The following TMCO4 variants were observed in gnomAD, a reference collection of about 807,000 sequenced individuals.
TMCO4 encodes the protein transmembrane and coiled-coil domains 4.
Under a neutral mutation model 64.7 loss-of-function variants are expected in TMCO4, and 58 were observed. The observed-to-expected ratio is 0.90, with a 90% confidence interval of 0.73 to 1.12. TMCO4 has a LOEUF of 1.12. Among genes scored for constraint, TMCO4 ranks in the 50% most tolerant of loss-of-function variants. The probability of loss-of-function intolerance (pLI) is 0.00; values close to 1 mark genes in which losing one functional copy is unlikely to be tolerated. For synonymous variants in TMCO4, 325 were observed against 346.1 expected (o/e 0.94, Z 0.68); for missense variants, 780 against 825.9 (o/e 0.94, Z 0.68).
intron 13 of TMCO4, among the ~76,000 whole-genome samples, chr1:19,713,627 A>G (rs2095341999): frequency 1.3e-5 from 2 of 152,124 alleles, no homozygotes; most frequent in Admixed American, 1.3e-4. Context: ...TGAGCCCAGG[A>G]GTTCAAGGCT....
At chr1:19,747,344 G>A (rs2041840978) in intron 7 of TMCO4, 84 bp from the exon 8 acceptor site, 4 of 1,148,624 alleles carry the variant, frequency 3.5e-6, no homozygotes, top group African/African-American at 1.5e-5. Context: ...CTCAAACAGG[G>A]GCCAATGCTG....
intron 2 of TMCO4, among the ~76,000 whole-genome samples, chr1:19,789,622 A>G (rs2043926418): frequency 6.6e-6 from 1 of 152,044 alleles, no homozygotes; most frequent in East Asian, 1.9e-4. Flanking sequence ...CCTTTTAATT[A>G]GAACTAATTC....
Position 19,746,477 on chromosome 1 carries a change from C to T in TMCO4, c.736G>A (p.Ala246Thr). Residue 246 changes from alanine to threonine, a missense_variant, in exon 9 of 16, where the codon GCA becomes ACA. By Grantham distance (58) the Ala-to-Thr change is moderately conservative. Transcript: ENST00000294543. ...TTACCTGTCAGGCCAGCTCCAGCTG[C>T]ACCAAACAGCGAGGTCATGATGGCT... ...GIAIMTSLFG[A>T]AGAGLTGYKM... The T allele has an allele frequency of 6.2e-7, 1 of 1,613,398 alleles. No individual in the cohort carries two copies. Among genetic ancestry groups the T allele is most frequent in the East Asian group, 2.2e-5 (1 of 44,866 alleles).
chr1:19,798,103 G>A (rs1285035009), intron 2 of TMCO4, 34 bp downstream of exon 2: 1 of 155,038 alleles, frequency 6.5e-6, no homozygotes, highest in Non-Finnish European at 1.4e-5. Flanking sequence ...GCGGAGGTCG[G>A]CTAAATGGAA....
chr1:19,746,587 C>A lies in TMCO4; in HGVS notation c.626G>T (p.Gly209Val). 1 of 1,609,554 alleles carries A rather than the reference C, an allele frequency of 6.2e-7. No homozygotes were observed. The highest frequency in any genetic ancestry group is 1.1e-5 in the South Asian group (1 of 90,350). Reference sequence around the variant, plus strand: ...AGCGGCAACAAGGGGTGCAGCTAGACCTCCAGTCACACCTGTGGGAAAAGC... The same window carrying A: ...AGCGGCAACAAGGGGTGCAGCTAGAACTCCAGTCACACCTGTGGGAAAAGC... ...GGGTVIGVTG[G>V]LAAPLVAAGA... Residue 209 changes from glycine (G) to valine (V), a missense_variant, in exon 9 of 16, where the codon GGT becomes GTT. Coordinates refer to ENST00000294543, the MANE Select transcript of TMCO4 (RefSeq NM_181719.7).
intron 2 of TMCO4, among the ~76,000 whole-genome samples, chr1:19,794,463 C>T (rs1014810145): frequency 6.6e-6 from 1 of 152,138 alleles, no homozygotes; most frequent in Non-Finnish European, 1.5e-5. Flanking sequence ...ATAATTACAG[C>T]GACAAATGTG....
At chr1:19,700,693 C>T (rs2095265943) in intron 14 of TMCO4, 75 bp downstream of exon 14, 6 of 1,313,424 alleles carry the variant, frequency 4.6e-6, no homozygotes, top group African/African-American at 2.9e-5. Context: ...ATATGTGTCC[C>T]CAACACAGAG....
At chr1:19,768,093 C>CAA (rs35417457) in intron 6 of TMCO4, among the ~76,000 whole-genome samples, 43 of 89,550 alleles carry the variant, frequency 4.8e-4, no homozygotes, top group African/African-American at 1.4e-3. Flanking sequence ...AACTTCATCT[C>CAA]AAAAAAAAAA....
At chr1:19,736,563 C>G (rs2095455632) in intron 13 of TMCO4, among the ~76,000 whole-genome samples, 1 of 152,220 alleles carries the variant, frequency 6.6e-6, no homozygotes, top group African/African-American at 2.4e-5. Flanking sequence ...CAGTGAACCA[C>G]TCCAAGTGCC....
At chr1:19,729,406 C>T (rs2095421373) in intron 13 of TMCO4, among the ~76,000 whole-genome samples, 1 of 151,278 alleles carries the variant, frequency 6.6e-6, no homozygotes, top group African/African-American at 2.4e-5. Flanking sequence ...CCTTGGCCTC[C>T]CAAAGTGCTG....
chr1:19,699,240 A>C (rs546423178), intron 14 of TMCO4, among the ~76,000 whole-genome samples: 1 of 151,946 alleles, frequency 6.6e-6, no homozygotes, highest in South Asian at 2.1e-4. Context: ...CCAAGTAATA[A>C]ACATTATAAC....
At chr1:19,701,694 A>C (rs1271900358) in intron 13 of TMCO4, among the ~76,000 whole-genome samples, 3 of 151,978 alleles carry the variant, frequency 2.0e-5, no homozygotes, top group African/African-American at 7.3e-5. Flanking sequence ...TCCTCTGCAA[A>C]AGGTTCCCTG....
At chr1:19,684,052 G>C (rs947589268) in intron 15 of TMCO4, among the ~76,000 whole-genome samples, 5 of 138,782 alleles carry the variant, frequency 3.6e-5, no homozygotes, top group Non-Finnish European at 6.1e-5. Context: ...GTGAGCCACT[G>C]TGCCCGGCAG....
intron 5 of TMCO4, 36 bp from the exon 6 acceptor site, chr1:19,770,605 TGATATAC>T (rs766857348): frequency 6.2e-7 from 1 of 1,607,038 alleles, no homozygotes; most frequent in Non-Finnish European, 8.5e-7. Context: ...ATGACAAAGC[TGATATAC>T]GATACAGCGC....
At chr1:19,742,425 C>A (rs748048785) in intron 10 of TMCO4, among the ~76,000 whole-genome samples, 1 of 152,190 alleles carries the variant, frequency 6.6e-6, no homozygotes, top group Non-Finnish European at 1.5e-5. Context: ...GAGCATCAAC[C>A]TCAGGCCTCT....
chr1:19,691,228 C>T (rs4912018), intron 15 of TMCO4, among the ~76,000 whole-genome samples: 74,141 of 152,042 alleles, frequency 0.49, 20,092 homozygotes, highest in Non-Finnish European at 0.61. Context: ...CTAGAAATGA[C>T]TCTTATTCTA....
intron 13 of TMCO4, among the ~76,000 whole-genome samples, chr1:19,710,077 A>G (rs1416676274): frequency 1.3e-5 from 2 of 151,700 alleles, no homozygotes; most frequent in Non-Finnish European, 2.9e-5. Context: ...CACCGTGCCC[A>G]GCCTGGAATT....
chr1:19,719,069 G>A (rs2095369969), intron 13 of TMCO4, among the ~76,000 whole-genome samples: 2 of 152,166 alleles, frequency 1.3e-5, no homozygotes. Flanking sequence ...TCTGGGTTCT[G>A]AAGAAGTCGC....
At chr1:19,740,977 C>G (rs1318057661) in intron 10 of TMCO4, 36 bp from the exon 11 acceptor site, 1 of 1,560,292 alleles carries the variant, frequency 6.4e-7, no homozygotes, top group African/African-American at 1.4e-5. Flanking sequence ...TCTCTCTTGT[C>G]TATGGCAGAG....
Sources: allele counts gnomAD v4.1 joint callset (sites outside exome capture counted in the v4.1 genomes callset), GRCh38; gene constraint gnomAD v4.1.1; transcripts MANE v1.5; gene names NCBI Gene and HGNC (gene_info 2026-07-23, HGNC 2026-07-21).